The following LRRC17 variants were observed in gnomAD, a reference collection of about 807,000 sequenced individuals.
The protein encoded by LRRC17 is leucine rich repeat containing 17, also known as leucine-rich repeat-containing protein 17.
Under a neutral mutation model 41.5 loss-of-function variants are expected in LRRC17, and 33 were observed. The ratio of observed to expected loss-of-function variants is 0.80; its 90% CI spans 0.60 to 1.06. LRRC17 has a LOEUF of 1.06. LRRC17 is among the 50% of genes least tolerant of loss of function. LRRC17 has a pLI of 0.00. For missense variants in LRRC17, 491 were observed against 519.3 expected, an observed-to-expected ratio of 0.95 and a Z score of 0.53; for synonymous variants, 192 against 197.0, an observed-to-expected ratio of 0.97 and a Z score of 0.21.
At chr7:102,926,135 C>T in intron 1 of LRRC17, 1 of 667,412 alleles carries the variant, frequency 1.5e-6, no homozygotes, top group South Asian at 2.0e-5. Flanking sequence ...TTGAAAGCAG[C>T]AGACCCCTTA....
intron 2 of LRRC17, 44 bp downstream of exon 2, chr7:102,934,729 A>G: frequency 6.7e-7 from 1 of 1,483,822 alleles, no homozygotes; most frequent in Non-Finnish European, 9.1e-7. Context: ...ATAACTTGAA[A>G]TGCTCTTTGA....
chr7:102,917,842 G>T (rs1220562858), intron 1 of LRRC17, among the ~76,000 whole-genome samples: 1 of 152,190 alleles, frequency 6.6e-6, no homozygotes, highest in African/African-American at 2.4e-5. Context: ...CACCTAGGTT[G>T]TGACAATAGG....
chr7:102,926,656 T>C (rs1049548109), intron 1 of LRRC17, among the ~76,000 whole-genome samples: 12 of 152,210 alleles, frequency 7.9e-5, no homozygotes, highest in African/African-American at 2.9e-4. Flanking sequence ...AGTTCAACTC[T>C]GTCACACGAA....
intron 1 of LRRC17, among the ~76,000 whole-genome samples, chr7:102,930,868 T>C (rs548007345): frequency 4.5e-4 from 69 of 152,342 alleles, no homozygotes; most frequent in African/African-American, 1.6e-3. Flanking sequence ...GCCTACTTGG[T>C]ATCTCCAGAT....
intron 1 of LRRC17, among the ~76,000 whole-genome samples, chr7:102,930,619 T>C (rs1818982971): frequency 6.6e-6 from 1 of 152,236 alleles, no homozygotes; most frequent in Non-Finnish European, 1.5e-5. Context: ...TGGTTCTTTC[T>C]GAAACTCTTT....
chr7:102,944,827 C>A lies in LRRC17; in HGVS notation c.*220C>A, dbSNP rs138135926. The stretch of plus-strand genomic sequence containing the variant: ...TTGTGGAACAGCATCTGGTGATATG[C>A]AATTCCACACTGGTAACCTGCAGCA... On this transcript the variant is annotated 3_prime_UTR_variant, in exon 4 of 4. Coordinates refer to ENST00000339431, the MANE Select transcript of LRRC17 (RefSeq NM_001031692.3). The A allele has an allele frequency of 1.5e-3, 679 of 453,086 alleles. 5 individuals are homozygous for A. Among genetic ancestry groups the A allele is most frequent in the African/African-American group, 0.013 (653 of 49,770 alleles). 28.1% of individuals were successfully genotyped at this position (453,086 alleles called of 1,614,324 possible).
intron 1 of LRRC17, chr7:102,933,447 A>T (rs1293120228): frequency 6.6e-6 from 1 of 152,516 alleles, no homozygotes; most frequent in Non-Finnish European, 1.5e-5. Flanking sequence ...ATTTGTGACT[A>T]CTTCCCCCGG....
chr7:102,930,472 C>T (rs150241581), intron 1 of LRRC17, among the ~76,000 whole-genome samples: 8 of 152,186 alleles, frequency 5.3e-5, no homozygotes, highest in African/African-American at 1.9e-4. Context: ...CTTCTGACCT[C>T]TTCTCCACTT....
In LRRC17 at chr7:102,934,246, T is replaced by A. The variant is rs1158941010; in HGVS notation, c.333T>A (p.Asp111Glu). 2.5e-6 allele frequency: 4 copies of A among 1,614,080 alleles called. No individual in the cohort carries two copies. In the East Asian group the frequency reaches 6.7e-5, roughly 27 times the overall value. The change falls in exon 2 of 4, where the codon GAT becomes GAA. Residue 111 changes from aspartate to glutamate, a missense_variant. By Grantham distance (45) the Asp-to-Glu change is conservative (BLOSUM62 2). Transcript: ENST00000339431. The part of the protein sequence containing the change: ...FSKFKKLKSL[D>E]LQQNEISKIE... ...AGTTTAAAAAGCTGAAAAGCCTGGA[T>A]CTGCAGCAGAATGAGATCTCTAAAA...
intron 1 of LRRC17, among the ~76,000 whole-genome samples, chr7:102,930,749 C>T (rs1360101129): frequency 2.0e-5 from 3 of 152,142 alleles, no homozygotes; most frequent in Non-Finnish European, 2.9e-5. Flanking sequence ...GTCTGCTCCT[C>T]TTCTCAAACC....
intron 1 of LRRC17, among the ~76,000 whole-genome samples, chr7:102,922,019 C>T (rs1476686623): frequency 6.6e-6 from 1 of 151,984 alleles, no homozygotes; most frequent in African/African-American, 2.4e-5. Context: ...GATGAAACCT[C>T]GTCTCTATTA....
chr7:102,929,248 G>A (rs1022858834), intron 1 of LRRC17, among the ~76,000 whole-genome samples: 4 of 152,140 alleles, frequency 2.6e-5, no homozygotes, highest in African/African-American at 9.7e-5. Context: ...AATTACTAAA[G>A]GAGGATTTTC....
At chr7:102,931,594 T>C (rs543087522) in intron 1 of LRRC17, among the ~76,000 whole-genome samples, 26 of 152,144 alleles carry the variant, frequency 1.7e-4, no homozygotes, top group Non-Finnish European at 3.2e-4. Flanking sequence ...TGGGGCCCAA[T>C]TTTTTTCTGT....
intron 1 of LRRC17, 40 bp downstream of exon 1, chr7:102,913,185 C>G: frequency 6.2e-7 from 1 of 1,614,072 alleles, no homozygotes; most frequent in Non-Finnish European, 8.5e-7. Flanking sequence ...TGCAATAAGC[C>G]AAACTAAGAT....
chr7:102,944,559 A>C lies in LRRC17; in HGVS notation c.1278A>C (p.Arg426Ser). The change falls in exon 4 of 4, where the codon AGA (arginine) becomes AGC (serine). Residue 426 changes from arginine (R) to serine (S), a missense_variant. Arg to Ser is a moderately radical substitution (Grantham distance 110). Coordinates refer to ENST00000339431, the MANE Select transcript of LRRC17 (RefSeq NM_001031692.3). ...ATGATGAATGGGAAAAAAAACATAGAGATCACACCGCAAAGAAGCAAAGCG... is the reference window on the plus strand; with the variant it reads ...ATGATGAATGGGAAAAAAAACATAGCGATCACACCGCAAAGAAGCAAAGCG... ...TEDDEWEKKHRDHTAKKQSVI... is the reference protein window; with the variant it reads ...TEDDEWEKKHSDHTAKKQSVI... 6.2e-7 allele frequency: 1 copy of C among 1,612,722 alleles called. No individual in the cohort carries two copies. Among genetic ancestry groups the C allele is most frequent in the South Asian group, 1.1e-5 (1 of 90,664 alleles).
intron 1 of LRRC17, among the ~76,000 whole-genome samples, chr7:102,916,634 A>G (rs1210748540): frequency 1.3e-5 from 2 of 152,176 alleles, no homozygotes; most frequent in Non-Finnish European, 2.9e-5. Flanking sequence ...CATACTCTTT[A>G]TTCTGAATTT....
intron 1 of LRRC17, among the ~76,000 whole-genome samples, chr7:102,916,024 C>T (rs556409492): frequency 3.3e-5 from 5 of 151,470 alleles, no homozygotes; most frequent in Non-Finnish European, 5.9e-5. Flanking sequence ...CACTCTGTTA[C>T]CCAGGCTGGA....
chr7:102,935,066 C>T (rs1820018984), intron 2 of LRRC17, among the ~76,000 whole-genome samples: 1 of 152,036 alleles, frequency 6.6e-6, no homozygotes, highest in South Asian at 2.1e-4. Context: ...CCGATTAAAG[C>T]CAAAACATGG....
intron 1 of LRRC17, among the ~76,000 whole-genome samples, chr7:102,924,398 T>G (rs1366103704): frequency 1.3e-5 from 2 of 152,042 alleles, no homozygotes; most frequent in African/African-American, 4.8e-5. Flanking sequence ...TAAGTAAAAA[T>G]ACATGAACAC....
Sources: allele counts gnomAD v4.1 joint callset (sites outside exome capture counted in the v4.1 genomes callset), GRCh38; gene constraint gnomAD v4.1.1; transcripts MANE v1.5; gene names NCBI Gene and HGNC (gene_info 2026-07-23, HGNC 2026-07-21).